The following PEBP4 variants were observed in gnomAD, a reference collection of about 807,000 sequenced individuals.
PEBP4 encodes phosphatidylethanolamine binding protein 4.
A neutral mutation model predicts 23.9 loss-of-function variants in PEBP4; 22 were observed. The observed-to-expected ratio is 0.92, with a 90% CI of 0.66 to 1.31. The LOEUF (loss-of-function observed/expected upper bound fraction) is 1.31. PEBP4 is among the 40% of genes most tolerant of loss of function. The pLI, the probability that PEBP4 is intolerant of heterozygous loss-of-function variation, is 0.00. For missense variants in PEBP4, 324 were observed against 281.7 expected, an observed-to-expected ratio of 1.15 and a Z score of -1.07; for synonymous variants, 112 against 99.3, an observed-to-expected ratio of 1.13 and a Z score of -0.76.
At chr8:22,880,973 G>A (rs1211908382) in intron 3 of PEBP4, among the ~76,000 whole-genome samples, 1 of 152,246 alleles carries the variant, frequency 6.6e-6, no homozygotes. Context: ...TGCTCTGCCT[G>A]GGGGAAGAGG....
intron 3 of PEBP4, among the ~76,000 whole-genome samples, chr8:22,872,089 G>T (rs1319145455): frequency 6.6e-6 from 1 of 152,118 alleles, no homozygotes; most frequent in Non-Finnish European, 1.5e-5. Flanking sequence ...CATCCAAGTT[G>T]CTGTGAAAGA....
At chr8:22,726,035 G>A (rs1038991115) in intron 5 of PEBP4, among the ~76,000 whole-genome samples, 12 of 150,082 alleles carry the variant, frequency 8.0e-5, no homozygotes, top group Non-Finnish European at 1.6e-4. Context: ...GTGTGTGCAC[G>A]CGCATGTGCA....
At chr8:22,830,326 G>A (rs1451678858) in intron 3 of PEBP4, among the ~76,000 whole-genome samples, 1 of 151,658 alleles carries the variant, frequency 6.6e-6, no homozygotes, top group Non-Finnish European at 1.5e-5. Flanking sequence ...GTGTATTTTA[G>A]TAGAGATGGG....
intron 3 of PEBP4, among the ~76,000 whole-genome samples, chr8:22,866,363 C>G (rs140887895): frequency 4.6e-5 from 7 of 152,178 alleles, no homozygotes; most frequent in African/African-American, 1.7e-4. Context: ...TTGTACCCAG[C>G]AAGACGCTGA....
At chr8:22,876,657 TA>T in intron 3 of PEBP4, among the ~76,000 whole-genome samples, 1 of 152,336 alleles carries the variant, frequency 6.6e-6, no homozygotes, top group East Asian at 1.9e-4. Flanking sequence ...AGTGTATGTT[TA>T]TAGCGCTTGT....
intron 3 of PEBP4, among the ~76,000 whole-genome samples, chr8:22,878,684 A>G (rs547655698): frequency 2.6e-5 from 4 of 152,202 alleles, no homozygotes; most frequent in Non-Finnish European, 4.4e-5. Context: ...TCGGCAGAGC[A>G]CAGGATCTCC....
At position 22,717,226 on chromosome 8, in the gene PEBP4, C is replaced by G. The variant is rs146573259; in HGVS notation, c.518-3690G>C. Among the ~76,000 whole-genome samples, 584 of 152,262 alleles carry G rather than the reference C, an allele frequency of 3.8e-3. 5 individuals carry two copies. The highest frequency in any genetic ancestry group is 2.9e-3 in the Non-Finnish European group (200 of 68,012). ...ATTAAAAAAAAATTATCTGTAGAGA[C>G]AGGGTCTCCCTATGTTGTCCAGGCT... On this transcript the variant is annotated intron_variant, in intron 6 of 6. Transcript: ENST00000256404.
intron 4 of PEBP4, among the ~76,000 whole-genome samples, chr8:22,773,083 T>C (rs1490521531): frequency 1.3e-5 from 2 of 149,000 alleles, no homozygotes; most frequent in African/African-American, 2.5e-5. Flanking sequence ...ATTACTTCTA[T>C]CTACCACCCA....
intron 3 of PEBP4, among the ~76,000 whole-genome samples, chr8:22,839,213 C>T (rs1266749023): frequency 6.6e-6 from 1 of 152,118 alleles, no homozygotes; most frequent in Non-Finnish European, 1.5e-5. Context: ...GCTGGGCTGG[C>T]GGCTCAGTCT....
intron 4 of PEBP4, among the ~76,000 whole-genome samples, chr8:22,783,731 C>T (rs1805973173): frequency 6.6e-6 from 1 of 152,230 alleles, no homozygotes; most frequent in South Asian, 2.1e-4. Context: ...CTCCCATGCT[C>T]AAGTCATCCT....
chr8:22,723,285 G>C (rs1804556331), intron 6 of PEBP4, among the ~76,000 whole-genome samples: 1 of 152,146 alleles, frequency 6.6e-6, no homozygotes, highest in Admixed American at 6.5e-5. Flanking sequence ...GGCCACTGTG[G>C]TTTCTGGAGG....
At chr8:22,889,375 A>T (rs2128774316) in intron 3 of PEBP4, among the ~76,000 whole-genome samples, 1 of 152,308 alleles carries the variant, frequency 6.6e-6, no homozygotes, top group Non-Finnish European at 1.5e-5. Context: ...TGAGAAGAGG[A>T]AGGTGGAAGC....
chr8:22,787,004 G>T (rs1806042920), intron 4 of PEBP4, among the ~76,000 whole-genome samples: 1 of 151,750 alleles, frequency 6.6e-6, no homozygotes, highest in Non-Finnish European at 1.5e-5. Context: ...AATTTTTTTT[G>T]TAGAGACAGG....
intron 4 of PEBP4, among the ~76,000 whole-genome samples, chr8:22,738,284 A>G (rs1461372055): frequency 6.6e-6 from 1 of 152,076 alleles, no homozygotes; most frequent in Non-Finnish European, 1.5e-5. Context: ...ACATGATCCC[A>G]CAGACAGACA....
chr8:22,854,646 G>A (rs773529469), intron 3 of PEBP4, among the ~76,000 whole-genome samples: 90 of 152,200 alleles, frequency 5.9e-4, no homozygotes, highest in Non-Finnish European at 1.1e-3. Flanking sequence ...TTGATCAAGC[G>A]ATTTGTCAGG....
In PEBP4 at chr8:22,940,509, G is replaced by A. The variant is rs1292755969; in HGVS notation, c.145-12789C>T. Among the ~76,000 whole-genome samples the A allele has an allele frequency of 3.5e-4, 4 of 11,436 alleles. No individual in the cohort carries two copies. The African/African-American group carries it at 5.0e-3, about 14-fold the overall frequency. The allele number at this position is 11,436 out of a possible 152,430, so 7.5% of individuals were successfully genotyped here. A position where few individuals can be genotyped will look rare whatever the true frequency, so the allele number is the denominator to read the frequency against. On this transcript the variant is annotated intron_variant, in intron 1 of 1. Coordinates refer to the PEBP4 transcript ENST00000522278. ...ATTTCTCTTTTTTTTTTTTTTTCGA[G>A]ACGGAGTCTTGCTCTGTCACCCAGG...
intron 4 of PEBP4, among the ~76,000 whole-genome samples, chr8:22,736,811 T>A (rs549827017): frequency 6.6e-6 from 1 of 152,338 alleles, no homozygotes; most frequent in African/African-American, 2.4e-5. Context: ...GTATTCCTTA[T>A]AAAAACATTT....
At chr8:22,790,559 C>T (rs765667266) in intron 4 of PEBP4, among the ~76,000 whole-genome samples, 11 of 152,112 alleles carry the variant, frequency 7.2e-5, no homozygotes, top group Non-Finnish European at 1.6e-4. Flanking sequence ...ATATCTCGGC[C>T]TTGCTGGGGC....
intron 1 of PEBP4, 37 bp from the exon 2 acceptor site, chr8:22,927,757 T>G (rs1480258510): frequency 6.2e-7 from 1 of 1,611,110 alleles, no homozygotes; most frequent in Non-Finnish European, 8.5e-7. Context: ...CTGGATCCCC[T>G]GCAGGGGCCT....
Sources: gnomAD v4.1 joint callset for allele counts (sites outside exome capture counted in the v4.1 genomes callset) on GRCh38, gnomAD v4.1.1 for gene constraint, MANE v1.5 for transcripts, NCBI Gene and HGNC (gene_info 2026-07-23, HGNC 2026-07-21) for gene names.